Variants in VRK2 observed in about 807,000 individuals in gnomAD.
VRK2 encodes VRK serine/threonine kinase 2, also known as serine/threonine-protein kinase VRK2.
VRK2 carries 60 observed loss-of-function variants against 57.6 expected under a neutral mutation model. The observed-to-expected ratio is 1.04, with a 90% CI of 0.85 to 1.29. VRK2 has a LOEUF of 1.29. VRK2 is among the 50% of genes most tolerant of loss of function. The pLI is 0.00. For synonymous variants in VRK2, 231 were observed against 199.2 expected (o/e 1.16, Z -1.35); for missense variants, 705 against 588.1 (o/e 1.20, Z -2.06).
At chr2:58,154,256 A>AT (rs140562486) in intron 12 of VRK2, among the ~76,000 whole-genome samples, 10,442 of 150,712 alleles carry the variant, frequency 0.069, 429 homozygotes, top group Middle Eastern at 0.11. Context: ...ATCATTCTGT[A>AT]TTTTTTAATT....
At chr2:58,061,463 G>A (rs1229215905) in intron 2 of VRK2, among the ~76,000 whole-genome samples, 4 of 151,884 alleles carry the variant, frequency 2.6e-5, no homozygotes, top group Non-Finnish European at 5.9e-5. Context: ...AAAAAAGTCT[G>A]TAAGCCTCAA....
At chr2:58,051,369 C>T (rs1256762907) in intron 2 of VRK2, among the ~76,000 whole-genome samples, 1 of 151,162 alleles carries the variant, frequency 6.6e-6, no homozygotes, top group African/African-American at 2.4e-5. Flanking sequence ...ATGTGTGTTC[C>T]AAATGTTGTA....
At chr2:57,932,024 T>C (rs1670744786) in intron 1 of VRK2, among the ~76,000 whole-genome samples, 1 of 152,170 alleles carries the variant, frequency 6.6e-6, no homozygotes, top group Non-Finnish European at 1.5e-5. Context: ...TACTATGGAT[T>C]TGTAAATAAT....
intron 1 of VRK2, among the ~76,000 whole-genome samples, chr2:57,962,619 G>A (rs958953045): frequency 6.6e-6 from 1 of 151,720 alleles, no homozygotes; most frequent in Non-Finnish European, 1.5e-5. Flanking sequence ...TTCCTTCTTC[G>A]AGTCCATGTG....
upstream of VRK2, chr2:58,046,510 T>G (rs1413938910): frequency 1.4e-5 from 14 of 985,382 alleles, no homozygotes; most frequent in Non-Finnish European, 1.7e-5. Flanking sequence ...ATGCATGTCG[T>G]GCTTATTTCG....
At chr2:58,093,076 G>C (rs1672603395) in intron 7 of VRK2, among the ~76,000 whole-genome samples, 1 of 152,098 alleles carries the variant, frequency 6.6e-6, no homozygotes, top group African/African-American at 2.4e-5. Flanking sequence ...ATGCACATTT[G>C]GGTTGGTTAC....
intron 2 of VRK2, among the ~76,000 whole-genome samples, chr2:58,052,848 G>A (rs1280425613): frequency 6.6e-6 from 1 of 152,116 alleles, no homozygotes; most frequent in East Asian, 1.9e-4. Flanking sequence ...ATCTGCCTCA[G>A]ATATTAAAGC....
At chr2:58,124,034 T>G (rs764412301) in intron 8 of VRK2, among the ~76,000 whole-genome samples, 1 of 152,212 alleles carries the variant, frequency 6.6e-6, no homozygotes, top group Non-Finnish European at 1.5e-5. Flanking sequence ...AAACTCACTT[T>G]GATGGTATTG....
rs1323399157 is a variant in VRK2, at chr2:57,936,341, T to G, written c.-439+28502T>G. 5.3e-5 allele frequency among the ~76,000 whole-genome samples: 8 copies of G among 152,340 alleles called. No homozygotes were observed. The East Asian group carries it at 1.5e-3, about 29-fold the overall frequency. On this transcript the variant is annotated intron_variant, in intron 1 of 15. Coordinates refer to the VRK2 transcript ENST00000417641. ...AGGCTGATTTTTCCAGCATTTTACC[T>G]AGCAAATAATGGTAAGTTTAAGAAC... is the stretch of plus-strand genomic sequence containing the variant.
chr2:58,134,483 CG>C (rs1558680427), intron 9 of VRK2, among the ~76,000 whole-genome samples: 1 of 151,480 alleles, frequency 6.6e-6, no homozygotes, highest in African/African-American at 2.4e-5. Flanking sequence ...CGGTGGCGGG[CG>C]CCTGTAGTCC....
At chr2:57,936,136 C>A (rs1461615150) in intron 1 of VRK2, among the ~76,000 whole-genome samples, 2 of 152,236 alleles carry the variant, frequency 1.3e-5, no homozygotes, top group Admixed American at 1.3e-4. Flanking sequence ...ATTCTAAGAC[C>A]TTCTCAATGT....
intron 1 of VRK2, among the ~76,000 whole-genome samples, chr2:57,975,093 TTCA>T (rs1347361731): frequency 6.6e-6 from 1 of 151,998 alleles, no homozygotes; most frequent in Non-Finnish European, 1.5e-5. Context: ...ATAAAATTAT[TTCA>T]TCATATTTTA....
At chr2:57,922,644 G>A (rs1449270757) in intron 1 of VRK2, among the ~76,000 whole-genome samples, 1 of 151,630 alleles carries the variant, frequency 6.6e-6, no homozygotes, top group East Asian at 1.9e-4. Context: ...ATATCTATGG[G>A]TTACATGAGA....
intron 2 of VRK2, among the ~76,000 whole-genome samples, chr2:58,083,533 TA>T: frequency 6.6e-6 from 1 of 151,844 alleles, no homozygotes; most frequent in Non-Finnish European, 1.5e-5. Flanking sequence ...AGTAATTGAT[TA>T]GCAGGTTCAG....
At chr2:57,982,745 C>G (rs905285898) in intron 1 of VRK2, among the ~76,000 whole-genome samples, 2 of 152,190 alleles carry the variant, frequency 1.3e-5, no homozygotes, top group Non-Finnish European at 2.9e-5. Context: ...AGCAAGACAG[C>G]CCTGAACTAT....
chr2:58,047,481 T>G, intron 1 of VRK2: 1 of 985,412 alleles, frequency 1.0e-6, no homozygotes, highest in Non-Finnish European at 1.2e-6. Flanking sequence ...GTACATTTCG[T>G]AGAGTCTCCC....
In VRK2 at chr2:58,051,642, C is replaced by T. The variant is rs147950349; in HGVS notation, c.136+2675C>T. 3.3e-3 allele frequency among the ~76,000 whole-genome samples: 505 copies of T among 152,310 alleles called. 1 individual carries two copies. The highest frequency in any genetic ancestry group is 0.014 in the Middle Eastern group (4 of 294). ...CCTCTTTCAGCAGACACTTGATCAG[C>T]GTTTACTGCCTAAGGCTGAGAAGAA... On this transcript the variant is annotated intron_variant, in intron 2 of 12. Coordinates refer to ENST00000340157, the MANE Select transcript of VRK2 (RefSeq NM_006296.7).
intron 1 of VRK2, among the ~76,000 whole-genome samples, chr2:57,983,407 T>A (rs1265308726): frequency 2.0e-5 from 3 of 152,236 alleles, no homozygotes; most frequent in African/African-American, 7.2e-5. Context: ...GTCCACAGCC[T>A]TAATCACATC....
intron 1 of VRK2, among the ~76,000 whole-genome samples, chr2:57,954,449 C>T (rs577808264): frequency 1.1e-3 from 170 of 152,210 alleles, no homozygotes; most frequent in African/African-American, 3.6e-3. Flanking sequence ...AGACTCAATT[C>T]AACATGTTGT....
Sources: allele counts gnomAD v4.1 joint callset (sites outside exome capture counted in the v4.1 genomes callset), GRCh38; gene constraint gnomAD v4.1.1; transcripts MANE v1.5; gene names NCBI Gene and HGNC (gene_info 2026-07-23, HGNC 2026-07-21).